MACROD2: variants seen among roughly 807,000 people sequenced by gnomAD.
The protein encoded by MACROD2 is mono-ADP ribosylhydrolase 2.
In MACROD2, 36 loss-of-function variants were observed where a neutral mutation model predicts 70.4. That is an observed-to-expected ratio of 0.51 (90% CI 0.39 to 0.68). The LOEUF (loss-of-function observed/expected upper bound fraction) is 0.68, where lower values mean the gene tolerates loss of function less well. Among genes scored for constraint, MACROD2 ranks in the 30% least tolerant of loss-of-function variants. The pLI, the probability that MACROD2 is intolerant of heterozygous loss-of-function variation, is 0.00. For missense variants in MACROD2, 496 were observed against 538.4 expected (o/e 0.92, Z 0.78); for synonymous variants, 172 against 178.8 (o/e 0.96, Z 0.30).
At chr20:15,273,314 T>A (rs1052301582) in intron 6 of MACROD2, among the ~76,000 whole-genome samples, 3 of 152,104 alleles carry the variant, frequency 2.0e-5, no homozygotes, top group African/African-American at 7.2e-5. Context: ...TGGACTCCAA[T>A]TTTTCAGTTT....
Position 15,040,567 on chromosome 20 carries a change from A to AG in MACROD2, c.419-189367dup, listed in dbSNP as rs569157758. ...TAGGACAAAGGTGAGGAGTGTCTTC[A>AG]GGGGGGTCTTTATCTCATGTTTCAT... On this transcript the variant is annotated intron_variant, in intron 5 of 17. Coordinates refer to ENST00000684519, the MANE Select transcript of MACROD2 (RefSeq NM_001351661.2). Among the ~76,000 whole-genome samples, 14 of 152,118 alleles carry AG rather than the reference A, an allele frequency of 9.2e-5. No individual in the cohort carries two copies. The East Asian group carries it at 2.5e-3, about 27-fold the overall frequency.
intron 8 of MACROD2, among the ~76,000 whole-genome samples, chr20:15,531,144 A>G (rs1031838288): frequency 1.3e-5 from 2 of 151,844 alleles, no homozygotes; most frequent in African/African-American, 2.4e-5. Context: ...AAATCGATAA[A>G]TGTATTTGTT....
rs902708044 is a variant in MACROD2 at position 14,667,638 on chromosome 20, G to A, written c.302-17205G>A. On this transcript the variant is annotated intron_variant, in intron 4 of 17. Coordinates refer to ENST00000684519, the MANE Select transcript of MACROD2 (RefSeq NM_001351661.2). ...AACTTCACACACAAGCATTTTAGAC[G>A]GGGCAAAATGGTTCTGCTGGGTAAA... Among the ~76,000 whole-genome samples the A allele has an allele frequency of 5.3e-5, 8 of 152,230 alleles. No homozygotes were observed. In the East Asian group the frequency reaches 7.7e-4, roughly 15 times the overall value.
chr20:14,958,450 C>A (rs910468474), intron 5 of MACROD2, among the ~76,000 whole-genome samples: 6 of 152,154 alleles, frequency 3.9e-5, no homozygotes, highest in Admixed American at 2.6e-4. Flanking sequence ...GTTGAACTGG[C>A]AGATTCTACT....
chr20:15,290,348 T>G (rs1787599382), intron 6 of MACROD2, among the ~76,000 whole-genome samples: 1 of 152,170 alleles, frequency 6.6e-6, no homozygotes. Context: ...ACTTTCTATA[T>G]TCTGGCTTTT....
intron 5 of MACROD2, among the ~76,000 whole-genome samples, chr20:14,701,125 C>CTT (rs1460393698): frequency 1.3e-5 from 2 of 152,104 alleles, no homozygotes; most frequent in Non-Finnish European, 2.9e-5. Context: ...GTGTCTTTAG[C>CTT]TTTATCTTTG....
chr20:14,363,686 T>TGGTG, intron 3 of MACROD2, among the ~76,000 whole-genome samples: 1 of 150,610 alleles, frequency 6.6e-6, no homozygotes, highest in East Asian at 2.0e-4. Flanking sequence ...CCGGGCGCGG[T>TGGTG]GGCGCCTGTA....
intron 13 of MACROD2, among the ~76,000 whole-genome samples, chr20:15,985,456 C>G (rs1331036509): frequency 6.6e-6 from 1 of 152,240 alleles, no homozygotes; most frequent in African/African-American, 2.4e-5. Flanking sequence ...GATCAGGCCA[C>G]TCTTCCACTC....
At chr20:14,554,418 A>ATT (rs1978885117) in intron 4 of MACROD2, 1 of 152,086 alleles carries the variant, frequency 6.6e-6, no homozygotes, top group Admixed American at 6.6e-5. Flanking sequence ...GGGCTGTGCA[A>ATT]CCCATCTGTG....
intron 8 of MACROD2, among the ~76,000 whole-genome samples, chr20:15,809,507 G>A (rs992527894): frequency 1.3e-5 from 2 of 152,206 alleles, no homozygotes; most frequent in Non-Finnish European, 2.9e-5. Context: ...GAGAGCCAAT[G>A]TGTGCAAAGA....
At chr20:14,778,073 T>C (rs916138038) in intron 5 of MACROD2, among the ~76,000 whole-genome samples, 2 of 152,064 alleles carry the variant, frequency 1.3e-5, no homozygotes, top group Non-Finnish European at 2.9e-5. Flanking sequence ...CCAACATGTT[T>C]CCCACAGATT....
At position 15,812,587 on chromosome 20, in the gene MACROD2, C is replaced by T. The variant is rs77820652; in HGVS notation, c.646-50158C>T. Among the ~76,000 whole-genome samples, 767 of 152,106 alleles carry T rather than the reference C, an allele frequency of 5.0e-3. 15 individuals carry two copies. The East Asian group carries it at 0.052, about 10-fold the overall frequency. On this transcript the variant is annotated intron_variant, in intron 8 of 17. Transcript: ENST00000684519. ...GATTTAAAAAAAAAAAAAATACACTCGTCTCAAAAGTCTGCATCCTTGCAA... is the reference window on the plus strand; with the variant it reads ...GATTTAAAAAAAAAAAAAATACACTTGTCTCAAAAGTCTGCATCCTTGCAA...
intron 7 of MACROD2, among the ~76,000 whole-genome samples, chr20:15,493,739 C>T (rs1342327395): frequency 6.6e-6 from 1 of 152,190 alleles, no homozygotes; most frequent in East Asian, 1.9e-4. Flanking sequence ...TTTACTGTAG[C>T]TGCATTGGAA....
intron 6 of MACROD2, among the ~76,000 whole-genome samples, chr20:15,324,170 A>G (rs2077902414): frequency 6.6e-6 from 1 of 152,118 alleles, no homozygotes; most frequent in Non-Finnish European, 1.5e-5. Context: ...CTTGAGAGAT[A>G]GTTATTCTCT....
intron 5 of MACROD2, among the ~76,000 whole-genome samples, chr20:14,999,560 C>T (rs565457734): frequency 7.9e-5 from 12 of 152,186 alleles, no homozygotes; most frequent in Admixed American, 2.6e-4. Context: ...GTGAAAGGAT[C>T]GCTTGAGCCC....
In MACROD2 at chr20:15,569,121, G is replaced by A. The variant is rs1431543783; in HGVS notation, c.645+69274G>A. ...AGGGAGGGTCTTCTGGTTAACTCCT[G>A]CCCTGAATGGTTCTATCCCTCAGTT... On this transcript the variant is annotated intron_variant, in intron 8 of 17. Transcript: ENST00000684519. Among the ~76,000 whole-genome samples the A allele has an allele frequency of 2.6e-5, 4 of 152,252 alleles. No individual in the cohort carries two copies. The Middle Eastern group carries it at 0.01, about 388-fold the overall frequency.
Position 15,977,126 on chromosome 20 carries a change from G to T in MACROD2, c.985+9496G>T, listed in dbSNP as rs73597743. Among the ~76,000 whole-genome samples, 810 of 152,262 alleles carry T rather than the reference G, an allele frequency of 5.3e-3. 2 individuals carry two copies. Among genetic ancestry groups the T allele is most frequent in the East Asian group, 0.014 (72 of 5,178 alleles). ...TGGATGCTCTACTCTTTCCCTTCATGATATAGACGAAGCCAGATCACAAAT... is the reference window on the plus strand; with the variant it reads ...TGGATGCTCTACTCTTTCCCTTCATTATATAGACGAAGCCAGATCACAAAT... On this transcript the variant is annotated intron_variant, in intron 13 of 17. Coordinates refer to ENST00000684519, the MANE Select transcript of MACROD2 (RefSeq NM_001351661.2).
chr20:15,581,403 C>CT (rs200669835), intron 8 of MACROD2, among the ~76,000 whole-genome samples: 327 of 152,270 alleles, frequency 2.1e-3, no homozygotes, highest in East Asian at 6.0e-3. Flanking sequence ...CTTGATGAAA[C>CT]TTTTTTTCTC....
At chr20:15,904,742 G>C (rs1350765954) in intron 10 of MACROD2, among the ~76,000 whole-genome samples, 1 of 151,956 alleles carries the variant, frequency 6.6e-6, no homozygotes, top group Non-Finnish European at 1.5e-5. Context: ...TTAGCCGGGC[G>C]TGGTGGCTGG....
Sources: allele counts gnomAD v4.1 joint callset (sites outside exome capture counted in the v4.1 genomes callset), GRCh38; gene constraint gnomAD v4.1.1; transcripts MANE v1.5; gene names NCBI Gene and HGNC (gene_info 2026-07-23, HGNC 2026-07-21).